GATAD2A: variants seen among roughly 807,000 people sequenced by gnomAD.
GATAD2A encodes the protein transcriptional repressor p66-alpha.
A neutral mutation model predicts 68.5 loss-of-function variants in GATAD2A; 12 were observed. The ratio of observed to expected loss-of-function variants is 0.18; its 90% confidence interval spans 0.11 to 0.28. The LOEUF (loss-of-function observed/expected upper bound fraction) is 0.28. Ranked by LOEUF, GATAD2A falls within the 10% of genes least tolerant of loss-of-function variation. The pLI, the probability that GATAD2A is intolerant of heterozygous loss-of-function variation, is 1.00. For synonymous variants in GATAD2A, 410 were observed against 375.3 expected (o/e 1.09, Z -1.07); for missense variants, 755 against 868.5 (o/e 0.87, Z 1.64).
chr19:19,410,575 C>G (rs972321163), intron 1 of GATAD2A, among the ~76,000 whole-genome samples: 1 of 152,214 alleles, frequency 6.6e-6, no homozygotes, highest in African/African-American at 2.4e-5. Context: ...CTGGTTTGAA[C>G]CTTGAAACGT....
intron 2 of GATAD2A, among the ~76,000 whole-genome samples, chr19:19,481,624 C>A (rs1359382610): frequency 1.3e-5 from 2 of 152,160 alleles, no homozygotes; most frequent in African/African-American, 4.8e-5. Flanking sequence ...TCGCACCTGG[C>A]CATATTTTGT....
intron 8 of GATAD2A, among the ~76,000 whole-genome samples, chr19:19,500,278 T>C (rs1034503351): frequency 6.6e-6 from 1 of 152,138 alleles, no homozygotes; most frequent in Non-Finnish European, 1.5e-5. Context: ...CACCAGAGCA[T>C]GTAAGCTGCA....
rs1007700986 is a variant in GATAD2A at position 19,495,993 on chromosome 19, G to A, written c.757-59G>A. 3.8e-6 allele frequency: 6 copies of A among 1,591,288 alleles called. No homozygotes were observed. The Admixed American group carries it at 8.4e-5, about 22-fold the overall frequency. On this transcript the variant is annotated intron_variant, in intron 6 of 11. Transcript: ENST00000683918. ...GGGGCAAGGTGCCCTGTGCCTTCCG[G>A]TCCCGCTCCATTGTTGATCTCAGTC...
At chr19:19,390,309 C>A (rs555552928) in intron 1 of GATAD2A, among the ~76,000 whole-genome samples, 1 of 152,076 alleles carries the variant, frequency 6.6e-6, no homozygotes, top group South Asian at 2.1e-4. Context: ...ATGAATGAAT[C>A]CGAGATGATG....
intron 1 of GATAD2A, among the ~76,000 whole-genome samples, chr19:19,433,922 C>T (rs1600110989): frequency 6.6e-6 from 1 of 152,154 alleles, no homozygotes; most frequent in Admixed American, 6.5e-5. Context: ...GTGCACGCCA[C>T]CACACCCAGC....
At chr19:19,498,067 C>G (rs1486289587) in intron 7 of GATAD2A, among the ~76,000 whole-genome samples, 1 of 152,258 alleles carries the variant, frequency 6.6e-6, no homozygotes, top group East Asian at 1.9e-4. Flanking sequence ...TAGGCCAGGC[C>G]ACAGCCAGAG....
In GATAD2A at chr19:19,505,648, C is replaced by G; in HGVS notation, c.*174C>G. On this transcript the variant is annotated 3_prime_UTR_variant, in exon 12 of 12. Coordinates refer to ENST00000683918, the MANE Select transcript of GATAD2A (RefSeq NM_001384528.1). ...TCAATTCTTGGCTGCAAAGTTTCAT[C>G]AGGGCTAGGGGGCTGGTGCCGCCTC... The G allele has an allele frequency of 1.7e-6, 1 of 576,862 alleles. No homozygotes were observed. The highest frequency in any genetic ancestry group is 2.5e-5 in the South Asian group (1 of 40,096). The allele number at this position is 576,862 out of a possible 1,614,324, so 35.7% of individuals were successfully genotyped here.
chr19:19,422,203 C>G (rs1303246956), intron 1 of GATAD2A, among the ~76,000 whole-genome samples: 1 of 152,172 alleles, frequency 6.6e-6, no homozygotes, highest in Non-Finnish European at 1.5e-5. Context: ...ATACTGAAGC[C>G]TCTTCCCAGC....
intron 11 of GATAD2A, among the ~76,000 whole-genome samples, chr19:19,503,562 G>A (rs2060682347): frequency 6.6e-6 from 1 of 152,204 alleles, no homozygotes; most frequent in East Asian, 1.9e-4. Flanking sequence ...AATTACTCTT[G>A]TGGGAAGTTT....
At chr19:19,498,190 G>A (rs558404534) in intron 7 of GATAD2A, among the ~76,000 whole-genome samples, 64 of 152,356 alleles carry the variant, frequency 4.2e-4, no homozygotes, top group Admixed American at 1.4e-3. Context: ...AAGTGTGTGC[G>A]GTTTATCTGG....
Sources: allele counts gnomAD v4.1 joint callset (sites outside exome capture counted in the v4.1 genomes callset), GRCh38; gene constraint gnomAD v4.1.1; transcripts MANE v1.5; gene names NCBI Gene and HGNC (gene_info 2026-07-23, HGNC 2026-07-21).